Variants in LRFN5 observed in about 807,000 individuals in gnomAD.
LRFN5 encodes the protein leucine rich repeat and fibronectin type III domain containing 5.
A neutral mutation model predicts 45.6 loss-of-function variants in LRFN5; 24 were observed. That is an observed-to-expected ratio of 0.53 (90% CI 0.38 to 0.74). The LOEUF (loss-of-function observed/expected upper bound fraction) is 0.74, where lower values mean the gene tolerates loss of function less well. LRFN5 is among the 30% of genes least tolerant of loss of function. The pLI is 0.00. For synonymous variants in LRFN5, 340 were observed against 313.8 expected (o/e 1.08, Z -0.88); for missense variants, 776 against 861.5 (o/e 0.90, Z 1.24).
chr14:41,795,573 A>G (rs189940959), intron 2 of LRFN5, among the ~76,000 whole-genome samples: 1 of 152,274 alleles, frequency 6.6e-6, no homozygotes, highest in East Asian at 1.9e-4. Flanking sequence ...TGGCACATAT[A>G]CACCATGGAA....
chr14:41,839,397 G>T (rs1888780030), intron 2 of LRFN5, among the ~76,000 whole-genome samples: 2 of 151,980 alleles, frequency 1.3e-5, no homozygotes, highest in African/African-American at 4.8e-5. Context: ...ATGTATATTT[G>T]ATCCTTAAGA....
intron 1 of LRFN5, among the ~76,000 whole-genome samples, chr14:41,674,465 C>A (rs1263993127): frequency 7.4e-6 from 1 of 134,920 alleles, no homozygotes; most frequent in Non-Finnish European, 1.6e-5. Context: ...GGCAGAGGCG[C>A]CCCTCACCTC....
At chr14:41,898,850 G>T in intron 4 of LRFN5, 67 bp from the exon 5 acceptor site, 2 of 1,376,776 alleles carry the variant, frequency 1.5e-6, no homozygotes, top group Non-Finnish European at 2.0e-6. Flanking sequence ...ATTTCAGTAA[G>T]AGGTTTTTTG....
intron 1 of LRFN5, among the ~76,000 whole-genome samples, chr14:41,682,201 G>T (rs557992123): frequency 6.6e-6 from 1 of 151,802 alleles, no homozygotes; most frequent in African/African-American, 2.4e-5. Flanking sequence ...AGTTAAGATC[G>T]TGGCACTACA....
intron 3 of LRFN5, among the ~76,000 whole-genome samples, chr14:41,890,352 A>G (rs1890733182): frequency 6.6e-6 from 1 of 152,188 alleles, no homozygotes; most frequent in Admixed American, 6.5e-5. Flanking sequence ...TCATGTATAG[A>G]TAAAAACATA....
chr14:41,860,362 T>C (rs1481920606), intron 2 of LRFN5, among the ~76,000 whole-genome samples: 3 of 152,198 alleles, frequency 2.0e-5, no homozygotes, highest in African/African-American at 7.2e-5. Flanking sequence ...TTCTCCTTTT[T>C]AATCCAATCT....
intron 1 of LRFN5, among the ~76,000 whole-genome samples, chr14:41,662,611 G>T (rs1332005716): frequency 6.6e-6 from 1 of 151,928 alleles, no homozygotes; most frequent in Non-Finnish European, 1.5e-5. Context: ...ATCTATTGTG[G>T]GCCTGGAGTT....
At chr14:41,886,019 CAAA>C (rs35648547) in intron 2 of LRFN5, among the ~76,000 whole-genome samples, 7 of 88,790 alleles carry the variant, frequency 7.9e-5, no homozygotes, top group Admixed American at 1.4e-4. Context: ...AGGCTCGTCT[CAAA>C]AAAAAAAAAA....
intron 2 of LRFN5, among the ~76,000 whole-genome samples, chr14:41,769,848 T>C (rs1886016521): frequency 6.6e-6 from 1 of 152,216 alleles, no homozygotes; most frequent in Non-Finnish European, 1.5e-5. Context: ...ATGTATACCA[T>C]TTCTATGAGT....
intron 1 of LRFN5, among the ~76,000 whole-genome samples, chr14:41,762,896 T>C (rs902774115): frequency 2.7e-4 from 41 of 152,160 alleles, no homozygotes; most frequent in African/African-American, 8.7e-4. Flanking sequence ...ACAAAGTAAA[T>C]ATAGCTAAAA....
chr14:41,845,526 G>C (rs896373262), intron 2 of LRFN5, among the ~76,000 whole-genome samples: 4 of 151,808 alleles, frequency 2.6e-5, no homozygotes, highest in African/African-American at 9.7e-5. Context: ...CTTTGTTCTT[G>C]TTTTTCTCTG....
At chr14:41,896,287 T>C (rs1890937200) in intron 4 of LRFN5, among the ~76,000 whole-genome samples, 2 of 152,064 alleles carry the variant, frequency 1.3e-5, no homozygotes, top group African/African-American at 4.8e-5. Flanking sequence ...CTCAGCATAG[T>C]TGATTTCCAA....
intron 1 of LRFN5, among the ~76,000 whole-genome samples, chr14:41,670,286 T>C (rs1344204721): frequency 1.4e-5 from 1 of 71,074 alleles, no homozygotes; most frequent in African/African-American, 7.3e-5. Context: ...TATATATATA[T>C]ATATATATAT....
chr14:41,702,598 C>T (rs1882883662), intron 1 of LRFN5, among the ~76,000 whole-genome samples: 1 of 151,890 alleles, frequency 6.6e-6, no homozygotes, highest in Admixed American at 6.6e-5. Flanking sequence ...AGAGAGCTGG[C>T]TCTACAGGAA....
intron 1 of LRFN5, among the ~76,000 whole-genome samples, chr14:41,756,766 C>G (rs1885406391): frequency 6.6e-6 from 1 of 152,198 alleles, no homozygotes; most frequent in Non-Finnish European, 1.5e-5. Flanking sequence ...TCGTCAAAAT[C>G]ATTCTCCGTC....
intron 1 of LRFN5, among the ~76,000 whole-genome samples, chr14:41,683,271 C>T (rs1881983569): frequency 6.6e-6 from 1 of 152,120 alleles, no homozygotes; most frequent in Non-Finnish European, 1.5e-5. Context: ...TTAAACATCT[C>T]TTCATGATAA....
At chr14:41,673,801 A>ACCCCC (rs1249040783) in intron 1 of LRFN5, among the ~76,000 whole-genome samples, 1 of 105,930 alleles carries the variant, frequency 9.4e-6, no homozygotes, top group Non-Finnish European at 2.0e-5. Context: ...GCGGGGGGTG[A>ACCCCC]CCCCCCCCAC....
chr14:41,638,203 A>G (rs192338584), intron 1 of LRFN5, among the ~76,000 whole-genome samples: 3 of 152,164 alleles, frequency 2.0e-5, no homozygotes, highest in East Asian at 1.9e-4. Flanking sequence ...GATTTCTGCC[A>G]TTAGTAGTGA....
In LRFN5 at chr14:41,608,091, T is replaced by C. The variant is rs1056876924; in HGVS notation, c.-668T>C. 6.6e-6 allele frequency: 1 copy of C among 152,240 alleles called. No homozygotes were observed. Among genetic ancestry groups the C allele is most frequent in the Non-Finnish European group, 1.5e-5 (1 of 68,090 alleles). 9.4% of individuals were successfully genotyped at this position (152,240 alleles called of 1,614,324 possible). A position where few individuals can be genotyped will look rare whatever the true frequency, so the allele number is the denominator to read the frequency against. On this transcript the variant is annotated 5_prime_UTR_variant, in exon 1 of 6. Transcript: ENST00000298119. ...CTTGAAGGAAACGTGATTAAAGGGC[T>C]ATGCGAGAACGCTCTCTTTGCTGCC... is the stretch of plus-strand genomic sequence containing the variant.
Sources: allele counts gnomAD v4.1 joint callset (sites outside exome capture counted in the v4.1 genomes callset), GRCh38; gene constraint gnomAD v4.1.1; transcripts MANE v1.5; gene names NCBI Gene and HGNC (gene_info 2026-07-23, HGNC 2026-07-21).